Variants in ARID1B observed in about 807,000 individuals in gnomAD.
ARID1B encodes AT-rich interaction domain 1B, also known as AT-rich interactive domain-containing protein 1B.
Under a neutral mutation model 212.3 loss-of-function variants are expected in ARID1B, and 30 were observed. The ratio of observed to expected loss-of-function variants is 0.14; its 90% CI spans 0.11 to 0.19. The LOEUF (loss-of-function observed/expected upper bound fraction) is 0.19, where lower values mean the gene tolerates loss of function less well. ARID1B is among the 10% of genes least tolerant of loss of function. The probability of loss-of-function intolerance (pLI) is 1.00; values close to 1 mark genes in which losing one functional copy is unlikely to be tolerated. For missense variants in ARID1B, 2,891 were observed against 3,204.0 expected (o/e 0.90, Z 2.36); for synonymous variants, 1,402 against 1,301.7 (o/e 1.08, Z -1.66).
intron 2 of ARID1B, among the ~76,000 whole-genome samples, chr6:156,834,222 T>A (rs1583127958): frequency 7.1e-6 from 1 of 140,016 alleles, no homozygotes; most frequent in East Asian, 3.6e-4. Flanking sequence ...AATCTTTGAA[T>A]CCTAAATATG....
At chr6:157,154,041 C>T (rs1790384995) in intron 8 of ARID1B, among the ~76,000 whole-genome samples, 1 of 152,202 alleles carries the variant, frequency 6.6e-6, no homozygotes, top group Non-Finnish European at 1.5e-5. Flanking sequence ...ATGTGTCTTA[C>T]GTCCTTTTAT....
At chr6:157,158,946 T>G (rs989111873) in intron 8 of ARID1B, among the ~76,000 whole-genome samples, 11 of 152,176 alleles carry the variant, frequency 7.2e-5, no homozygotes, top group Non-Finnish European at 1.3e-4. Context: ...GCTGTATGGA[T>G]CTAGCTTCAC....
chr6:156,779,068 TGGGCCCCGG>T lies in ARID1B; in HGVS notation c.1393_1401del (p.Pro465_Gly467del). The T allele has an allele frequency of 8.2e-7, 1 of 1,219,374 alleles. No homozygotes were observed. Among genetic ancestry groups the T allele is most frequent in the Non-Finnish European group, 1.0e-6 (1 of 983,898 alleles). The allele number at this position is 1,219,374 out of a possible 1,614,324, so 75.5% of individuals were successfully genotyped here. ...CGGCAGCAGGGCGGCGGCATGATGA[TGGGCCCCGG>T]GGGCGGCGGGGCCGCGAGCCTCAGC... is the stretch of plus-strand genomic sequence containing the variant. On this transcript the variant is annotated inframe_deletion, in exon 1 of 20. Coordinates refer to ENST00000636930, the MANE Select transcript of ARID1B (RefSeq NM_001374828.1).
chr6:157,209,097 A>G lies in ARID1B; in HGVS notation c.*1206A>G. On this transcript the variant is annotated 3_prime_UTR_variant, in exon 20 of 20. Transcript: ENST00000636930. ...CTTCAAAGATTTTTCAGTGATGAGA[A>G]TCCACATTTGTATTTCAAGATAATG... is the stretch of plus-strand genomic sequence containing the variant. The G allele has an allele frequency of 4.3e-6, 1 of 230,374 alleles. No individual in the cohort carries two copies. Among genetic ancestry groups the G allele is most frequent in the East Asian group, 6.2e-5 (1 of 16,102 alleles). The allele number at this position is 230,374 out of a possible 1,614,324, so 14.3% of individuals were successfully genotyped here.
chr6:156,948,941 C>T (rs116496295), intron 4 of ARID1B, among the ~76,000 whole-genome samples: 1 of 152,310 alleles, frequency 6.6e-6, no homozygotes, highest in African/African-American at 2.4e-5. Flanking sequence ...AAGTGTTTTG[C>T]CATCTTGTGG....
At chr6:157,088,717 A>G (rs1260114176) in intron 5 of ARID1B, among the ~76,000 whole-genome samples, 1 of 152,212 alleles carries the variant, frequency 6.6e-6, no homozygotes, top group Non-Finnish European at 1.5e-5. Context: ...CCTTTAGAGA[A>G]TAATGAGGCC....
intron 4 of ARID1B, chr6:156,977,030 A>G: frequency 4.2e-6 from 2 of 477,026 alleles, no homozygotes. Context: ...AGGAAGCAAG[A>G]TGAAAACACA....
At chr6:156,790,021 G>A (rs912139791) in intron 1 of ARID1B, among the ~76,000 whole-genome samples, 6 of 152,170 alleles carry the variant, frequency 3.9e-5, no homozygotes, top group Non-Finnish European at 5.9e-5. Context: ...CGGTCTTTCA[G>A]AGCAAATAGG....
intron 4 of ARID1B, chr6:156,936,918 T>C (rs1792281924): frequency 6.6e-6 from 1 of 152,210 alleles, no homozygotes; most frequent in Non-Finnish European, 1.5e-5. Context: ...TACATTTTAA[T>C]GTATATGCAG....
At chr6:157,061,020 C>T (rs1056440703) in intron 4 of ARID1B, among the ~76,000 whole-genome samples, 1 of 152,154 alleles carries the variant, frequency 6.6e-6, no homozygotes, top group Non-Finnish European at 1.5e-5. Flanking sequence ...GCTGTGGCAC[C>T]TCTGGATGGG....
intron 4 of ARID1B, among the ~76,000 whole-genome samples, chr6:157,068,761 C>T (rs7770280): frequency 0.16 from 24,838 of 152,188 alleles, 2,393 homozygotes; most frequent in Non-Finnish European, 0.22. Context: ...CACACACGTG[C>T]GTACACAGAT....
At chr6:156,911,270 A>G (rs932261900) in intron 3 of ARID1B, among the ~76,000 whole-genome samples, 3 of 150,946 alleles carry the variant, frequency 2.0e-5, no homozygotes, top group Non-Finnish European at 3.0e-5. Flanking sequence ...ATGTCATAAG[A>G]TGATTTTAAG....
At chr6:156,811,342 G>A (rs982408508) in intron 1 of ARID1B, among the ~76,000 whole-genome samples, 5 of 152,038 alleles carry the variant, frequency 3.3e-5, no homozygotes, top group East Asian at 3.9e-4. Flanking sequence ...GTGTGGATAC[G>A]AGGGGCATAA....
chr6:156,891,225 T>C (rs1467786363), intron 2 of ARID1B, among the ~76,000 whole-genome samples: 9 of 152,224 alleles, frequency 5.9e-5, no homozygotes, highest in Admixed American at 5.9e-4. Context: ...TGTTTGATCT[T>C]CCTGTGAAAT....
In ARID1B at chr6:157,145,267, G is replaced by A. The variant is rs181463702; in HGVS notation, c.2762-3357G>A. Among the ~76,000 whole-genome samples, 55 of 152,240 alleles carry A rather than the reference G, an allele frequency of 3.6e-4. 1 individual carries two copies. In the East Asian group the frequency reaches 9.8e-3, roughly 27 times the overall value. The stretch of plus-strand genomic sequence containing the variant: ...ATCAGGAGTCCACAGATTGTGGCCC[G>A]CTCTGGCCCACTACCTGTTTTTGTA... On this transcript the variant is annotated intron_variant, in intron 7 of 19. Coordinates refer to ENST00000636930, the MANE Select transcript of ARID1B (RefSeq NM_001374828.1).
intron 2 of ARID1B, among the ~76,000 whole-genome samples, chr6:156,839,995 A>G (rs1783782111): frequency 6.6e-6 from 1 of 152,252 alleles, no homozygotes; most frequent in Admixed American, 6.5e-5. Context: ...CGGAGGCAGA[A>G]CTTTGTGGTT....
chr6:156,998,714 A>G (rs939008564), intron 4 of ARID1B, among the ~76,000 whole-genome samples: 16 of 152,326 alleles, frequency 1.1e-4, no homozygotes, highest in African/African-American at 3.6e-4. Context: ...AACACCACAC[A>G]TGAAAGTTAC....
rs758170380 is a variant in ARID1B at position 156,955,339 on chromosome 6, A to C, written c.2247+19763A>C. Among the ~76,000 whole-genome samples the C allele has an allele frequency of 6.6e-6, 1 of 152,234 alleles. No individual in the cohort carries two copies. Among genetic ancestry groups the C allele is most frequent in the South Asian group, 2.1e-4 (1 of 4,828 alleles). On this transcript the variant is annotated intron_variant, in intron 4 of 19. Transcript: ENST00000636930. This position sits in a 1 kb window ranked among gnomAD's most constrained non-coding sequence, Gnocchi z 4.2. ...CCATTCAACCAGGTGTGATAAACCTAGAGCTACTGTATGTTCCAGGCCATA... is the reference window on the plus strand; with the variant it reads ...CCATTCAACCAGGTGTGATAAACCTCGAGCTACTGTATGTTCCAGGCCATA...
At chr6:156,947,635 TAAA>T (rs11352269) in intron 4 of ARID1B, among the ~76,000 whole-genome samples, 1 of 141,562 alleles carries the variant, frequency 7.1e-6, no homozygotes, top group Admixed American at 7.0e-5. Flanking sequence ...AGGGCTAATT[TAAA>T]AAAAAAAAAA....
Sources: allele counts gnomAD v4.1 joint callset (sites outside exome capture counted in the v4.1 genomes callset), GRCh38; gene constraint gnomAD v4.1.1; non-coding constraint Gnocchi (gnomAD v3.1); transcripts MANE v1.5; gene names NCBI Gene and HGNC (gene_info 2026-07-23, HGNC 2026-07-21).